NDC1: variants seen among roughly 807,000 people sequenced by gnomAD.
NDC1 encodes NDC1 transmembrane nucleoporin, also known as nucleoporin NDC1.
NDC1 carries 24 observed loss-of-function variants against 89.8 expected under a neutral mutation model. The ratio of observed to expected loss-of-function variants is 0.27; its 90% CI spans 0.19 to 0.38. NDC1 has a LOEUF of 0.38. NDC1 is among the 10% of genes least tolerant of loss of function. NDC1 has a pLI of 1.00. For missense variants in NDC1, 728 were observed against 797.6 expected (o/e 0.91, Z 1.05); for synonymous variants, 296 against 284.8 (o/e 1.04, Z -0.39).
intron 1 of NDC1, among the ~76,000 whole-genome samples, chr1:53,837,875 G>A (rs1464309416): frequency 3.9e-5 from 6 of 152,000 alleles, no homozygotes; most frequent in Non-Finnish European, 7.4e-5. Context: ...ACTTCTTAAC[G>A]AAACAAATTA....
At chr1:53,828,614 A>C (rs955290830) in intron 3 of NDC1, among the ~76,000 whole-genome samples, 6 of 149,576 alleles carry the variant, frequency 4.0e-5, no homozygotes, top group South Asian at 2.1e-4. Flanking sequence ...ATTTTATTTT[A>C]TTTTATTTAT....
chr1:53,836,925 A>C (rs1196333814), intron 1 of NDC1, among the ~76,000 whole-genome samples: 3 of 152,234 alleles, frequency 2.0e-5, no homozygotes, highest in African/African-American at 7.2e-5. Context: ...CAAAAGCATA[A>C]GCAACAAAAG....
At chr1:53,776,354 C>T (rs905138726) in intron 16 of NDC1, among the ~76,000 whole-genome samples, 1 of 152,106 alleles carries the variant, frequency 6.6e-6, no homozygotes, top group Non-Finnish European at 1.5e-5. Context: ...AGCTATTGAG[C>T]ACCTGAAATG....
intron 16 of NDC1, among the ~76,000 whole-genome samples, chr1:53,781,701 CT>C (rs1647209596): frequency 6.6e-6 from 1 of 151,842 alleles, no homozygotes; most frequent in Non-Finnish European, 1.5e-5. Context: ...TACAGAGATA[CT>C]TAAACTTACG....
intron 8 of NDC1, among the ~76,000 whole-genome samples, chr1:53,807,182 C>A (rs949969108): frequency 7.4e-6 from 1 of 134,960 alleles, no homozygotes; most frequent in African/African-American, 2.8e-5. Context: ...GGGAGGCAGA[C>A]GTTGCAGTGA....
chr1:53,816,982 C>CA (rs1648503784), intron 6 of NDC1, among the ~76,000 whole-genome samples: 1 of 152,038 alleles, frequency 6.6e-6, no homozygotes, highest in South Asian at 2.1e-4. Flanking sequence ...ATCAAAAAAT[C>CA]AAAAAACAGT....
intron 1 of NDC1, among the ~76,000 whole-genome samples, chr1:53,837,079 T>C (rs1325783556): frequency 2.6e-5 from 4 of 152,138 alleles, no homozygotes; most frequent in Non-Finnish European, 5.9e-5. Context: ...AAACAAAATA[T>C]GTGGTATGTC....
At chr1:53,790,101 A>T (rs1033735116) in intron 14 of NDC1, among the ~76,000 whole-genome samples, 1 of 151,950 alleles carries the variant, frequency 6.6e-6, no homozygotes, top group African/African-American at 2.4e-5. Context: ...GTGGTGGCTC[A>T]CGCATGTAAT....
chr1:53,833,922 C>A (rs1378313979), intron 2 of NDC1, among the ~76,000 whole-genome samples: 2 of 151,654 alleles, frequency 1.3e-5, no homozygotes, highest in African/African-American at 4.8e-5. Flanking sequence ...ACCCCCCACT[C>A]CCCCTTTAAG....
At chr1:53,811,170 T>C (rs1181728268) in intron 6 of NDC1, among the ~76,000 whole-genome samples, 1 of 152,134 alleles carries the variant, frequency 6.6e-6, no homozygotes, top group African/African-American at 2.4e-5. Flanking sequence ...ACCACAGGGA[T>C]CCATCAGAAG....
intron 5 of NDC1, among the ~76,000 whole-genome samples, chr1:53,820,495 C>A (rs1648631068): frequency 6.6e-6 from 1 of 151,686 alleles, no homozygotes; most frequent in South Asian, 2.1e-4. Flanking sequence ...ACGTAACAAA[C>A]CTGCACATTG....
At chr1:53,803,164 C>G (rs900924433) in intron 10 of NDC1, among the ~76,000 whole-genome samples, 12 of 152,134 alleles carry the variant, frequency 7.9e-5, no homozygotes, top group African/African-American at 2.7e-4. Flanking sequence ...CTCCTGGGCT[C>G]AAGCAATCCT....
intron 14 of NDC1, among the ~76,000 whole-genome samples, chr1:53,791,435 GAA>G (rs35668416): frequency 1.2e-4 from 11 of 95,212 alleles, no homozygotes; most frequent in Admixed American, 1.2e-4. Flanking sequence ...GACTCCGTCT[GAA>G]AAAAAAAAAA....
chr1:53,787,664 G>GATAC (rs566196913), intron 15 of NDC1, among the ~76,000 whole-genome samples: 1 of 146,746 alleles, frequency 6.8e-6, no homozygotes, highest in Admixed American at 6.8e-5. Flanking sequence ...TAAATAAATA[G>GATAC]ATAAATAAAT....
At chr1:53,832,246 T>C (rs936807044) in intron 3 of NDC1, among the ~76,000 whole-genome samples, 4 of 152,156 alleles carry the variant, frequency 2.6e-5, no homozygotes, top group African/African-American at 9.7e-5. Context: ...CTCTATGAAT[T>C]TGAGTACTCC....
At chr1:53,772,993 A>G (rs545854814) in intron 16 of NDC1, among the ~76,000 whole-genome samples, 178 of 152,086 alleles carry the variant, frequency 1.2e-3, no homozygotes, top group African/African-American at 4.1e-3. Context: ...AAATGAAGCT[A>G]TCATTCAATA....
At chr1:53,836,287 A>G (rs1043967333) in intron 1 of NDC1, among the ~76,000 whole-genome samples, 1 of 151,992 alleles carries the variant, frequency 6.6e-6, no homozygotes, top group Non-Finnish European at 1.5e-5. Context: ...GGTGGCTCAC[A>G]TCTGTATCCC....
rs1647069397 is a variant in NDC1, at chr1:53,766,870, T to C, written c.*1100A>G. The C allele has an allele frequency of 6.6e-6, 1 of 152,216 alleles. No individual in the cohort carries two copies. The highest frequency in any genetic ancestry group is 2.4e-5 in the African/African-American group (1 of 41,458). The allele number at this position is 152,216 out of a possible 1,614,324, so 9.4% of individuals were successfully genotyped here. A position where few individuals can be genotyped will look rare whatever the true frequency, so the allele number is the denominator to read the frequency against. ...TGACTAGGATTTCCAATCTTTGATC[T>C]CCAAAGAAGCTGATCTAATAAATTC... On this transcript the variant is annotated 3_prime_UTR_variant, in exon 18 of 18. Coordinates refer to ENST00000371429, the MANE Select transcript of NDC1 (RefSeq NM_018087.5).
At chr1:53,797,321 CCACT>C (rs1336557283) in intron 11 of NDC1, among the ~76,000 whole-genome samples, 177 bp from the exon 12 acceptor site, 2 of 152,172 alleles carry the variant, frequency 1.3e-5, no homozygotes, top group East Asian at 1.9e-4. Context: ...CATTCAAGCT[CCACT>C]CAAAGAGCTT....
Sources: gnomAD v4.1 joint callset for allele counts (sites outside exome capture counted in the v4.1 genomes callset) on GRCh38, gnomAD v4.1.1 for gene constraint, MANE v1.5 for transcripts, NCBI Gene and HGNC (gene_info 2026-07-23, HGNC 2026-07-21) for gene names.